Variants in KCNN3 observed in about 807,000 individuals in gnomAD.
The protein encoded by KCNN3 is potassium calcium-activated channel subfamily N member 3.
KCNN3 carries 16 observed loss-of-function variants against 62.9 expected under a neutral mutation model. The ratio of observed to expected loss-of-function variants is 0.25; its 90% CI spans 0.17 to 0.39. The LOEUF (loss-of-function observed/expected upper bound fraction) is 0.39. KCNN3 is among the 10% of genes least tolerant of loss of function. The pLI, the probability that KCNN3 is intolerant of heterozygous loss-of-function variation, is 1.00. For missense variants in KCNN3, 599 were observed against 949.4 expected (o/e 0.63, Z 4.85); for synonymous variants, 370 against 389.2 (o/e 0.95, Z 0.58).
rs1240488633 is a variant in KCNN3, at chr1:154,864,053, G to A, written c.933+4979C>T. ...CACGCTGTCAAAAGGCCATTTTCACGCTTGCCCTCCTGTGGGCCGACACAC... is the reference window on the plus strand; with the variant it reads ...CACGCTGTCAAAAGGCCATTTTCACACTTGCCCTCCTGTGGGCCGACACAC... On this transcript the variant is annotated intron_variant, in intron 1 of 7. Coordinates refer to ENST00000271915, the MANE Select transcript of KCNN3 (RefSeq NM_002249.6). Among the ~76,000 whole-genome samples the A allele has an allele frequency of 3.3e-5, 5 of 152,210 alleles. No homozygotes were observed. The South Asian group carries it at 6.2e-4, about 19-fold the overall frequency.
chr1:154,702,747 A>ATATG lies in KCNN3; in HGVS notation c.*5228_*5229insCATA, dbSNP rs1411424701. On this transcript the variant is annotated 3_prime_UTR_variant, in exon 8 of 8. Transcript: ENST00000271915. The stretch of plus-strand genomic sequence containing the variant: ...TATATATATATATATATATATATAT[A>ATATG]TGTACTTTTTCTTTTTGGCTATAAA... 9.3e-5 allele frequency: 8 copies of ATATG among 85,814 alleles called. No individual in the cohort carries two copies. Among genetic ancestry groups the ATATG allele is most frequent in the Non-Finnish European group, 1.4e-4 (6 of 41,802 alleles). The allele number at this position is 85,814 out of a possible 1,614,324, so 5.3% of individuals were successfully genotyped here. A position where few individuals can be genotyped will look rare whatever the true frequency, so the allele number is the denominator to read the frequency against.
Position 154,725,851 on chromosome 1 carries a change from G to C in KCNN3, c.1701+65C>G, listed in dbSNP as rs1005881519. 6.5e-6 allele frequency: 8 copies of C among 1,235,370 alleles called. No homozygotes were observed. The African/African-American group carries it at 1.0e-4, about 16-fold the overall frequency. The allele number at this position is 1,235,370 out of a possible 1,614,324, so 76.5% of individuals were successfully genotyped here. ...AGCCACTGCACCCGTTGGACCATTTGCTTTCTGATTGGCTTCCACTGTGGC... is the reference window on the plus strand; with the variant it reads ...AGCCACTGCACCCGTTGGACCATTTCCTTTCTGATTGGCTTCCACTGTGGC... On this transcript the variant is annotated intron_variant, in intron 5 of 7. Coordinates refer to ENST00000271915, the MANE Select transcript of KCNN3 (RefSeq NM_002249.6).
chr1:154,764,415 C>G (rs1268373117), intron 3 of KCNN3, among the ~76,000 whole-genome samples: 2 of 152,122 alleles, frequency 1.3e-5, no homozygotes, highest in African/African-American at 4.8e-5. Flanking sequence ...CTCTGTGTCT[C>G]AACATCCTCA....
At chr1:154,812,107 G>T (rs1242554988) in intron 2 of KCNN3, among the ~76,000 whole-genome samples, 1 of 152,168 alleles carries the variant, frequency 6.6e-6, no homozygotes, top group Non-Finnish European at 1.5e-5. Flanking sequence ...TGACACGGGG[G>T]ATCTGAGGCA....
intron 3 of KCNN3, among the ~76,000 whole-genome samples, chr1:154,752,902 C>T (rs1647454276): frequency 6.6e-6 from 1 of 152,162 alleles, no homozygotes; most frequent in African/African-American, 2.4e-5. Context: ...CTGTGGTCAC[C>T]CTTGACTAGG....
chr1:154,786,799 C>T (rs182307669), intron 2 of KCNN3, among the ~76,000 whole-genome samples: 3 of 152,228 alleles, frequency 2.0e-5, no homozygotes. Context: ...TTAAAAGAAG[C>T]CTATATTGCT....
rs1051587548 is a variant in KCNN3 at position 154,699,569 on chromosome 1, C to T, written c.*8407G>A. The T allele has an allele frequency of 6.6e-5, 10 of 152,142 alleles. No individual in the cohort carries two copies. The highest frequency in any genetic ancestry group is 2.1e-4 in the South Asian group (1 of 4,828). 9.4% of individuals were successfully genotyped at this position (152,142 alleles called of 1,614,324 possible). ...AACATAACTGTTTCTGGGTACATAT[C>T]GAGTTATGGCGCCAATATCAGAATT... On this transcript the variant is annotated 3_prime_UTR_variant, in exon 8 of 8. Transcript: ENST00000271915.
At chr1:154,767,053 G>A (rs1290479552) in intron 3 of KCNN3, among the ~76,000 whole-genome samples, 12 of 152,112 alleles carry the variant, frequency 7.9e-5, no homozygotes, top group Admixed American at 7.2e-4. Context: ...GGAGATGGGA[G>A]GAGGAGGGAG....
intron 7 of KCNN3, among the ~76,000 whole-genome samples, chr1:154,709,317 T>C (rs1700027046): frequency 6.6e-6 from 1 of 152,156 alleles, no homozygotes. Context: ...GTGAGGCTCC[T>C]GGGGCGGCAA....
At position 154,838,144 on chromosome 1, in the gene KCNN3, G is replaced by A. The variant is rs78446145; in HGVS notation, c.934-15960C>T. 3.1e-4 allele frequency among the ~76,000 whole-genome samples: 47 copies of A among 152,246 alleles called. 1 individual carries two copies. In the East Asian group the frequency reaches 8.9e-3, roughly 29 times the overall value. On this transcript the variant is annotated intron_variant, in intron 1 of 7. Transcript: ENST00000271915. The stretch of plus-strand genomic sequence containing the variant: ...CAAGTACAGAACAGAGAGTGTGGGG[G>A]CCAAACAGGAAGGCGGCCACGGGTG...
rs977831212 is a variant in KCNN3 at position 154,700,889 on chromosome 1, A to T, written c.*7087T>A. The T allele has an allele frequency of 6.6e-6, 1 of 152,162 alleles. No homozygotes were observed. Among genetic ancestry groups the T allele is most frequent in the Non-Finnish European group, 1.5e-5 (1 of 68,030 alleles). 9.4% of individuals were successfully genotyped at this position (152,162 alleles called of 1,614,324 possible). A position where few individuals can be genotyped will look rare whatever the true frequency, so the allele number is the denominator to read the frequency against. On this transcript the variant is annotated 3_prime_UTR_variant, in exon 8 of 8. Transcript: ENST00000271915. ...GAAATAAATCAATTACCACCAATACATTCATCAGTCAATTGTAAAATTGAA... is the reference window on the plus strand; with the variant it reads ...GAAATAAATCAATTACCACCAATACTTTCATCAGTCAATTGTAAAATTGAA...
In KCNN3 at chr1:154,700,101, A is replaced by C. The variant is rs1699822771; in HGVS notation, c.*7875T>G. The C allele has an allele frequency of 6.6e-6, 1 of 152,152 alleles. No homozygotes were observed. The allele number at this position is 152,152 out of a possible 1,614,324, so 9.4% of individuals were successfully genotyped here. A position where few individuals can be genotyped will look rare whatever the true frequency, so the allele number is the denominator to read the frequency against. On this transcript the variant is annotated 3_prime_UTR_variant, in exon 8 of 8. Coordinates refer to ENST00000271915, the MANE Select transcript of KCNN3 (RefSeq NM_002249.6). ...CCTTCACATCTTCAAATAATTCTGT[A>C]AATGAGACTCAAGGAAGAGATAGCT... is the stretch of plus-strand genomic sequence containing the variant.
intron 3 of KCNN3, among the ~76,000 whole-genome samples, chr1:154,755,775 GGA>G (rs148984924): frequency 0.58 from 43,358 of 75,190 alleles, 10,292 homozygotes; most frequent in East Asian, 0.75. Context: ...AGGTGGAGGA[GGA>G]GAGAGAGAGG....
chr1:154,747,701 A>G (rs1186318404), intron 3 of KCNN3, among the ~76,000 whole-genome samples: 1 of 152,186 alleles, frequency 6.6e-6, no homozygotes, highest in Non-Finnish European at 1.5e-5. Flanking sequence ...GGAATCAAAG[A>G]AACAAGTACA....
At position 154,707,873 on chromosome 1, in the gene KCNN3, T is replaced by C; in HGVS notation, c.*103A>G. On this transcript the variant is annotated 3_prime_UTR_variant, in exon 8 of 8. Transcript: ENST00000271915. ...GTTAATTAGCTCGGTCTCTCTTCTT[T>C]CCGTTCCCTGGTCTGAATGTTTCTT... 7.5e-7 allele frequency: 1 copy of C among 1,325,066 alleles called. No individual in the cohort carries two copies. Among genetic ancestry groups the C allele is most frequent in the Non-Finnish European group, 1.0e-6 (1 of 955,346 alleles). The allele number at this position is 1,325,066 out of a possible 1,614,324, so 82.1% of individuals were successfully genotyped here. A position where few individuals can be genotyped will look rare whatever the true frequency, so the allele number is the denominator to read the frequency against.
intron 2 of KCNN3, among the ~76,000 whole-genome samples, chr1:154,796,770 C>T (rs531631739): frequency 1.4e-4 from 21 of 152,366 alleles, no homozygotes; most frequent in Admixed American, 3.9e-4. Flanking sequence ...GCAAGGCACT[C>T]CGGTGGCATT....
At chr1:154,780,208 T>C (rs1237568011) in intron 2 of KCNN3, among the ~76,000 whole-genome samples, 1 of 148,598 alleles carries the variant, frequency 6.7e-6, no homozygotes, top group Non-Finnish European at 1.5e-5. Context: ...TTTTTTTTTT[T>C]TTTTTTTTTT....
intron 1 of KCNN3, among the ~76,000 whole-genome samples, chr1:154,841,813 C>T (rs1270977090): frequency 2.0e-5 from 3 of 152,206 alleles, no homozygotes; most frequent in East Asian, 1.9e-4. Flanking sequence ...CTGGGGAGAG[C>T]GGGCTGAGTG....
At chr1:154,750,231 GA>G (rs1247620868) in intron 3 of KCNN3, among the ~76,000 whole-genome samples, 1 of 152,176 alleles carries the variant, frequency 6.6e-6, no homozygotes, top group Non-Finnish European at 1.5e-5. Context: ...CTAAAGCCTC[GA>G]AGCTGGTGCA....
Sources: allele counts gnomAD v4.1 joint callset (sites outside exome capture counted in the v4.1 genomes callset), GRCh38; gene constraint gnomAD v4.1.1; transcripts MANE v1.5; gene names NCBI Gene and HGNC (gene_info 2026-07-23, HGNC 2026-07-21).